The following FGF14 variants were observed in gnomAD, a reference collection of about 807,000 sequenced individuals.
The protein encoded by FGF14 is fibroblast growth factor 14, also known as fibroblast growth factor homologous factor 4.
Under a neutral mutation model 25.5 loss-of-function variants are expected in FGF14, and 5 were observed. The ratio of observed to expected loss-of-function variants is 0.20; its 90% CI spans 0.10 to 0.41. FGF14 has a LOEUF of 0.41. Ranked by LOEUF, FGF14 falls within the 10% of genes least tolerant of loss-of-function variation. The probability of loss-of-function intolerance (pLI) is 1.00; values close to 1 mark genes in which losing one functional copy is unlikely to be tolerated. For synonymous variants in FGF14, 138 were observed against 118.3 expected, an observed-to-expected ratio of 1.17 and a Z score of -1.08; for missense variants, 222 against 320.1, an observed-to-expected ratio of 0.69 and a Z score of 2.34.
intron 3 of FGF14, among the ~76,000 whole-genome samples, chr13:101,780,801 T>G (rs2140027421): frequency 6.6e-6 from 1 of 152,068 alleles, no homozygotes; most frequent in African/African-American, 2.4e-5. Flanking sequence ...GAAGGGGAGA[T>G]CAGGGGCACG....
At chr13:102,251,693 G>T (rs766046450) in intron 1 of FGF14, among the ~76,000 whole-genome samples, 10 of 152,068 alleles carry the variant, frequency 6.6e-5, no homozygotes, top group Admixed American at 2.0e-4. Context: ...CCAAATTCAC[G>T]TTGGGGCAAT....
chr13:102,193,829 A>G, intron 1 of FGF14, among the ~76,000 whole-genome samples: 1 of 152,166 alleles, frequency 6.6e-6, no homozygotes. Flanking sequence ...ATTCAGTTTC[A>G]AAAAAATCAT....
At chr13:101,876,800 A>G (rs2045421196) in intron 1 of FGF14, among the ~76,000 whole-genome samples, 1 of 151,976 alleles carries the variant, frequency 6.6e-6, no homozygotes, top group Admixed American at 6.6e-5. Flanking sequence ...GCACTAGTGG[A>G]AAAAAAATAC....
At chr13:102,185,899 C>T (rs2048855295) in intron 1 of FGF14, among the ~76,000 whole-genome samples, 2 of 152,120 alleles carry the variant, frequency 1.3e-5, no homozygotes, top group Non-Finnish European at 2.9e-5. Context: ...CTGTTTAACC[C>T]TTTCATACCA....
At chr13:102,177,832 G>A (rs953160313) in intron 1 of FGF14, among the ~76,000 whole-genome samples, 1 of 151,872 alleles carries the variant, frequency 6.6e-6, no homozygotes, top group East Asian at 1.9e-4. Flanking sequence ...ATTTTTACAT[G>A]AAAGTTGGTA....
intron 1 of FGF14, among the ~76,000 whole-genome samples, chr13:102,368,478 C>G (rs150180257): frequency 0.011 from 1,722 of 152,276 alleles, 23 homozygotes; most frequent in Admixed American, 0.018. Context: ...GGAATTATGA[C>G]CACGGGGGGT....
chr13:102,069,109 C>T (rs952889309), intron 1 of FGF14, among the ~76,000 whole-genome samples: 4 of 151,608 alleles, frequency 2.6e-5, no homozygotes, highest in African/African-American at 9.7e-5. Flanking sequence ...TGTAAATACA[C>T]CAATCGGCAC....
At chr13:101,739,729 G>A (rs1414158552) in intron 3 of FGF14, among the ~76,000 whole-genome samples, 2 of 152,156 alleles carry the variant, frequency 1.3e-5, no homozygotes, top group African/African-American at 4.8e-5. Context: ...GAAACCAGTG[G>A]TCACATTAAG....
intron 1 of FGF14, among the ~76,000 whole-genome samples, chr13:101,894,102 T>G (rs1227574848): frequency 6.6e-6 from 1 of 152,140 alleles, no homozygotes; most frequent in African/African-American, 2.4e-5. Context: ...ATCAGGCTTC[T>G]TTTGCATTTG....
In FGF14 at chr13:102,041,541, A is replaced by G. The variant is rs1279374383; in HGVS notation, c.209-166245T>C. Among the ~76,000 whole-genome samples the G allele has an allele frequency of 2.3e-4, 16 of 70,372 alleles. No homozygotes were observed. In the South Asian group the frequency reaches 6.9e-3, roughly 30 times the overall value. The allele number at this position is 70,372 out of a possible 152,430, so 46.2% of individuals were successfully genotyped here. On this transcript the variant is annotated intron_variant, in intron 1 of 4. Transcript: ENST00000376131. ...AGTGAATTCCTTAAAAAAAAAAAAC[A>G]GTGTATGTTAAGCCATGCAAAAATT...
At chr13:102,166,485 CCTT>C (rs1367691743) in intron 1 of FGF14, among the ~76,000 whole-genome samples, 1 of 152,084 alleles carries the variant, frequency 6.6e-6, no homozygotes, top group Non-Finnish European at 1.5e-5. Flanking sequence ...CAACGCTCTG[CCTT>C]CTTGTTTCAG....
intron 1 of FGF14, among the ~76,000 whole-genome samples, chr13:102,340,961 A>G (rs767813488): frequency 5.3e-5 from 8 of 152,222 alleles, no homozygotes; most frequent in Non-Finnish European, 8.8e-5. Context: ...AATATGTGCT[A>G]TTACACTTGT....
At chr13:102,013,914 C>A (rs534619991) in intron 1 of FGF14, among the ~76,000 whole-genome samples, 1 of 152,100 alleles carries the variant, frequency 6.6e-6, no homozygotes, top group Admixed American at 6.5e-5. Flanking sequence ...TTAGAGCAGA[C>A]GTCTTCCAAT....
chr13:102,030,052 C>G (rs531279484), intron 1 of FGF14, among the ~76,000 whole-genome samples: 73 of 152,114 alleles, frequency 4.8e-4, no homozygotes, highest in African/African-American at 1.7e-3. Context: ...TATTATGTGT[C>G]AAGTATACAA....
At position 102,135,058 on chromosome 13, in the gene FGF14, C is replaced by CAA. The variant is rs1490400588; in HGVS notation, c.209-259763_209-259762insTT. On this transcript the variant is annotated intron_variant, in intron 1 of 4. Transcript: ENST00000376131. Reference sequence around the variant, plus strand: ...ACACACACACACACACACACACACACACAAATCCGCGTGGTGGTGTGCACC... The same window carrying CAA: ...ACACACACACACACACACACACACACAAACAAATCCGCGTGGTGGTGTGCACC... 2.7e-4 allele frequency among the ~76,000 whole-genome samples: 37 copies of CAA among 138,258 alleles called. 1 individual carries two copies. The highest frequency in any genetic ancestry group is 1.1e-3 in the African/African-American group (37 of 34,192). 90.7% of individuals were successfully genotyped at this position (138,258 alleles called of 152,430 possible). A position where few individuals can be genotyped will look rare whatever the true frequency, so the allele number is the denominator to read the frequency against.
At chr13:102,097,689 C>A (rs1379378104) in intron 1 of FGF14, among the ~76,000 whole-genome samples, 3 of 152,148 alleles carry the variant, frequency 2.0e-5, no homozygotes, top group Admixed American at 1.3e-4. Flanking sequence ...ACGAGTTTGT[C>A]ATTTTTCCAT....
intron 3 of FGF14, among the ~76,000 whole-genome samples, chr13:101,815,581 T>C (rs2041800803): frequency 6.6e-6 from 1 of 152,132 alleles, no homozygotes; most frequent in Admixed American, 6.5e-5. Flanking sequence ...TAAATGAAGC[T>C]AAGTGAGGGC....
chr13:102,155,390 G>T (rs2047283434), intron 1 of FGF14, among the ~76,000 whole-genome samples: 1 of 152,170 alleles, frequency 6.6e-6, no homozygotes. Context: ...CATGGAAACT[G>T]AACAACCTGC....
chr13:102,331,966 G>A (rs747057972), intron 1 of FGF14, among the ~76,000 whole-genome samples: 4 of 152,146 alleles, frequency 2.6e-5, no homozygotes, highest in Admixed American at 6.6e-5. Context: ...AGCAATCAGC[G>A]CAGCACCCAA....
Sources: gnomAD v4.1 joint callset for allele counts (sites outside exome capture counted in the v4.1 genomes callset) on GRCh38, gnomAD v4.1.1 for gene constraint, MANE v1.5 for transcripts, NCBI Gene and HGNC (gene_info 2026-07-23, HGNC 2026-07-21) for gene names.